Variants in PCNX2 observed in about 807,000 individuals in gnomAD.
PCNX2 encodes the protein pecanex 2, also known as pecanex-like protein 2.
In PCNX2, 168 loss-of-function variants were observed where a neutral mutation model predicts 223.8. That is an observed-to-expected ratio of 0.75 (90% confidence interval 0.66 to 0.85). PCNX2 has a LOEUF of 0.85. PCNX2 is among the 40% of genes least tolerant of loss of function. The pLI is 0.00. For synonymous variants in PCNX2, 1,006 were observed against 1,052.6 expected, an observed-to-expected ratio of 0.96 and a Z score of 0.86; for missense variants, 2,507 against 2,675.5, an observed-to-expected ratio of 0.94 and a Z score of 1.39.
At chr1:232,998,870 C>G (rs1179268545) in intron 31 of PCNX2, among the ~76,000 whole-genome samples, 1 of 152,180 alleles carries the variant, frequency 6.6e-6, no homozygotes, top group Non-Finnish European at 1.5e-5. Context: ...AAGAACTCAG[C>G]CTGTGCAAAT....
intron 19 of PCNX2, among the ~76,000 whole-genome samples, chr1:233,141,437 T>C (rs958869605): frequency 1.3e-5 from 2 of 152,110 alleles, no homozygotes; most frequent in Non-Finnish European, 2.9e-5. Context: ...GAGGCCAAGG[T>C]GGACAGATCA....
At chr1:233,053,871 C>T (rs1221675165) in intron 25 of PCNX2, among the ~76,000 whole-genome samples, 3 of 152,172 alleles carry the variant, frequency 2.0e-5, no homozygotes, top group African/African-American at 7.2e-5. Flanking sequence ...AAGAAAAGCT[C>T]TAAGACCTTA....
At chr1:233,168,844 A>G (rs903489906) in intron 17 of PCNX2, among the ~76,000 whole-genome samples, 21 of 152,140 alleles carry the variant, frequency 1.4e-4, no homozygotes, top group African/African-American at 5.1e-4. Flanking sequence ...TTTCATCTTG[A>G]CACAATTGGC....
intron 4 of PCNX2, 24 bp downstream of exon 4, chr1:233,261,261 A>T: frequency 6.3e-7 from 1 of 1,589,064 alleles, no homozygotes. Context: ...TGCTGTGATA[A>T]AATATAAATG....
Position 233,067,365 on chromosome 1 carries a change from CAAAAAAAAAAAAAAAAAAAAAAAAA to C in PCNX2, c.4077-10100_4077-10076del, listed in dbSNP as rs750823791. 1.5e-3 allele frequency among the ~76,000 whole-genome samples: 6 copies of C among 3,888 alleles called. No individual in the cohort carries two copies. The East Asian group carries it at 0.026, about 17-fold the overall frequency. 2.6% of individuals were successfully genotyped at this position (3,888 alleles called of 152,430 possible). On this transcript the variant is annotated intron_variant, in intron 23 of 33. Coordinates refer to ENST00000258229, the MANE Select transcript of PCNX2 (RefSeq NM_014801.4). ...AATAAATGAAAAAATAGAGCTTCAGCAAAAAAAAAAAAAAAAAAAAAAAAAAAAAAAAAAAAAAAGCAAGACTTGG... is the reference window on the plus strand; with the variant it reads ...AATAAATGAAAAAATAGAGCTTCAGCAAAAAAAAAAAAAAGCAAGACTTGG...
At chr1:233,016,693 A>G in intron 27 of PCNX2, 1 of 841,164 alleles carries the variant, frequency 1.2e-6, no homozygotes, top group Non-Finnish European at 1.4e-6. Flanking sequence ...GGCCCTGAGC[A>G]CTGCATAAAG....
upstream of PCNX2, among the ~76,000 whole-genome samples, chr1:233,296,690 A>T (rs1024881269): frequency 5.9e-5 from 9 of 152,168 alleles, no homozygotes; most frequent in Admixed American, 3.9e-4. Context: ...CATGATTCCC[A>T]ACACGCCTTC....
chr1:233,022,979 G>A (rs1572021478), intron 26 of PCNX2, among the ~76,000 whole-genome samples: 2 of 152,154 alleles, frequency 1.3e-5, no homozygotes, highest in Admixed American at 1.3e-4. Context: ...TTACAGGCTT[G>A]AGCCACTGCG....
intron 19 of PCNX2, among the ~76,000 whole-genome samples, chr1:233,147,339 T>C (rs1558281133): frequency 6.6e-6 from 1 of 152,148 alleles, no homozygotes; most frequent in Non-Finnish European, 1.5e-5. Context: ...TAAAGCATGC[T>C]AGAGAAAAGA....
At chr1:233,312,200 A>G in the PCNX2 span, among the ~76,000 whole-genome samples, 1 of 152,122 alleles carries the variant, frequency 6.6e-6, no homozygotes, top group African/African-American at 2.4e-5. Flanking sequence ...AGATAAATTA[A>G]TAGCCAACTT....
intron 1 of PCNX2, among the ~76,000 whole-genome samples, chr1:233,266,997 T>A (rs1660369791): frequency 7.1e-6 from 1 of 141,062 alleles, no homozygotes; most frequent in South Asian, 2.5e-4. Flanking sequence ...TCACAGTCAC[T>A]ACTCTGTTTT....
At chr1:233,256,541 T>C (rs773187918) in intron 5 of PCNX2, among the ~76,000 whole-genome samples, 3 of 152,202 alleles carry the variant, frequency 2.0e-5, no homozygotes, top group Non-Finnish European at 2.9e-5. Context: ...AATAGCCACA[T>C]GGCTACTTAA....
intron 12 of PCNX2, among the ~76,000 whole-genome samples, chr1:233,209,941 A>G (rs1254890319): frequency 6.6e-6 from 1 of 152,238 alleles, no homozygotes; most frequent in Non-Finnish European, 1.5e-5. Flanking sequence ...TGTATATGAG[A>G]CATTTCCTCA....
At chr1:233,274,378 G>A (rs1211438388) in intron 1 of PCNX2, among the ~76,000 whole-genome samples, 1 of 152,086 alleles carries the variant, frequency 6.6e-6, no homozygotes, top group East Asian at 1.9e-4. Context: ...TCCCTCCAGT[G>A]GTGACAACCA....
chr1:233,067,494 G>A (rs1454807622), intron 23 of PCNX2, among the ~76,000 whole-genome samples: 2 of 146,204 alleles, frequency 1.4e-5, no homozygotes. Flanking sequence ...TTTTTTTTGA[G>A]ACAGAGTCTT....
rs1356796279 is a variant in PCNX2 at position 233,246,492 on chromosome 1, T to C, written c.2222+4247A>G. On this transcript the variant is annotated intron_variant, in intron 8 of 33. Transcript: ENST00000258229. ...TTTTGGCAATCAGTCTTAGTTTCCT[T>C]ATCTGTAAAACAGAGCTAGTGTCAC... Among the ~76,000 whole-genome samples the C allele has an allele frequency of 3.3e-5, 5 of 152,250 alleles. No individual in the cohort carries two copies. The South Asian group carries it at 6.2e-4, about 19-fold the overall frequency.
At chr1:233,288,200 T>G (rs1661554290) in intron 1 of PCNX2, among the ~76,000 whole-genome samples, 1 of 152,182 alleles carries the variant, frequency 6.6e-6, no homozygotes, top group Non-Finnish European at 1.5e-5. Flanking sequence ...AATCACCTAG[T>G]AAGTATTAGC....
At position 232,983,579 on chromosome 1, in the gene PCNX2, G is replaced by T. The variant is rs1055604615; in HGVS notation, c.*725C>A. 13 of 152,230 alleles carry T rather than the reference G, an allele frequency of 8.5e-5. No homozygotes were observed. The highest frequency in any genetic ancestry group is 1.9e-4 in the Non-Finnish European group (13 of 68,046). 9.4% of individuals were successfully genotyped at this position (152,230 alleles called of 1,614,324 possible). ...CCACCAATCGCCTGGACTACAGTGAGGAGCATTGTGTGACTCCGCGGTGGA... is the reference window on the plus strand; with the variant it reads ...CCACCAATCGCCTGGACTACAGTGATGAGCATTGTGTGACTCCGCGGTGGA... On this transcript the variant is annotated 3_prime_UTR_variant, in exon 34 of 34. Transcript: ENST00000258229.
chr1:233,167,157 TA>T (rs1355930932), intron 17 of PCNX2, among the ~76,000 whole-genome samples: 4 of 152,144 alleles, frequency 2.6e-5, no homozygotes, highest in African/African-American at 9.7e-5. Context: ...TGTCAACAGA[TA>T]AATAATGGAT....
Sources: gnomAD v4.1 joint callset for allele counts (sites outside exome capture counted in the v4.1 genomes callset) on GRCh38, gnomAD v4.1.1 for gene constraint, MANE v1.5 for transcripts, NCBI Gene and HGNC (gene_info 2026-07-23, HGNC 2026-07-21) for gene names.